Variants in CFAP251 observed in about 807,000 individuals in gnomAD.
CFAP251 encodes cilia- and flagella-associated protein 251.
In CFAP251, 93 loss-of-function variants were observed where a neutral mutation model predicts 126.7. The ratio of observed to expected loss-of-function variants is 0.73; its 90% CI spans 0.62 to 0.87. The LOEUF (loss-of-function observed/expected upper bound fraction) is 0.87. Ranked by LOEUF, CFAP251 falls within the 40% of genes least tolerant of loss-of-function variation. The pLI is 0.00. For missense variants in CFAP251, 1,287 were observed against 1,389.2 expected (o/e 0.93, Z 1.17); for synonymous variants, 503 against 506.9 (o/e 0.99, Z 0.10).
intron 15 of CFAP251, 49 bp from the exon 16 acceptor site, chr12:121,966,906 A>C (rs200442140): frequency 6.4e-7 from 1 of 1,560,550 alleles, no homozygotes; most frequent in Non-Finnish European, 8.8e-7. Context: ...CTTAAAACCT[A>C]TGTTGAGATT....
At chr12:121,938,522 G>T (rs1880979685) in intron 5 of CFAP251, among the ~76,000 whole-genome samples, 1 of 149,048 alleles carries the variant, frequency 6.7e-6, no homozygotes, top group Non-Finnish European at 1.5e-5. Flanking sequence ...TAGATACAGG[G>T]TTTCACCATG....
intron 19 of CFAP251, among the ~76,000 whole-genome samples, chr12:121,993,741 G>T (rs1373686771): frequency 9.5e-5 from 14 of 147,060 alleles, no homozygotes; most frequent in East Asian, 6.2e-4. Context: ...CAACCACCCC[G>T]TCTGAGAAGT....
intron 19 of CFAP251, among the ~76,000 whole-genome samples, chr12:121,979,228 C>T (rs887818149): frequency 2.6e-5 from 4 of 152,202 alleles, no homozygotes; most frequent in African/African-American, 9.6e-5. Context: ...GTAAGCTCCT[C>T]TAAAGGTCTT....
chr12:122,002,871 C>T (rs1377267901), intron 21 of CFAP251, among the ~76,000 whole-genome samples: 2 of 152,088 alleles, frequency 1.3e-5, no homozygotes, highest in African/African-American at 4.8e-5. Flanking sequence ...ACCCATTCCC[C>T]TTTTCCCTCT....
chr12:121,952,626 G>A (rs1441346268), intron 9 of CFAP251: 1 of 152,122 alleles, frequency 6.6e-6, no homozygotes, highest in Non-Finnish European at 1.5e-5. Flanking sequence ...TGGAACTTGA[G>A]TCGTCTCCTG....
At chr12:121,977,937 T>A (rs200896158) in intron 19 of CFAP251, among the ~76,000 whole-genome samples, 4 of 146,680 alleles carry the variant, frequency 2.7e-5, no homozygotes, top group East Asian at 4.1e-4. Flanking sequence ...CCAGCCTGGG[T>A]GACAGAGCGA....
rs1191287340 is a variant in CFAP251, at chr12:121,957,201, ACTC to A, written c.1669_1671del (p.Pro557del). ...TCTGTCCTTTTCAAAGACCCCAGCA[ACTC>A]CTCCTACTGAAAAATCAAACTATCC... is the stretch of plus-strand genomic sequence containing the variant. On this transcript the variant is annotated inframe_deletion, in exon 11 of 22. Transcript: ENST00000288912. The A allele has an allele frequency of 1.2e-6, 2 of 1,613,790 alleles. No individual in the cohort carries two copies. The highest frequency in any genetic ancestry group is 1.7e-6 in the Non-Finnish European group (2 of 1,179,958).
chr12:121,990,192 G>A (rs192333928), intron 19 of CFAP251, among the ~76,000 whole-genome samples: 93 of 152,320 alleles, frequency 6.1e-4, no homozygotes, highest in African/African-American at 2.1e-3. Context: ...CAGCATGCAG[G>A]GCCAAGCCAA....
rs1400019354 is a variant in CFAP251 at position 121,989,661 on chromosome 12, C to G, written c.3007-10055C>G. On this transcript the variant is annotated intron_variant, in intron 19 of 21. Transcript: ENST00000288912. The surrounding 1 kb of genome is among the most constrained non-coding windows in gnomAD (Gnocchi z 4.2). ...GAAGATGATGAGTGGGAACAAGACA[C>G]TGTGCCCCATTAGTTGAGAATGTTC... Among the ~76,000 whole-genome samples, 1 of 152,152 alleles carries G rather than the reference C, an allele frequency of 6.6e-6. No homozygotes were observed. Among genetic ancestry groups the G allele is most frequent in the Admixed American group, 6.5e-5 (1 of 15,268 alleles).
At chr12:121,921,117 G>A (rs1260303094) in intron 1 of CFAP251, among the ~76,000 whole-genome samples, 169 bp from the exon 2 acceptor site, 1 of 152,142 alleles carries the variant, frequency 6.6e-6, no homozygotes, top group Non-Finnish European at 1.5e-5. Flanking sequence ...CCATAGTGCT[G>A]GGATTACAGG....
chr12:121,931,918 G>T, intron 4 of CFAP251, 32 bp downstream of exon 4: 1 of 1,482,052 alleles, frequency 6.7e-7, no homozygotes, highest in Non-Finnish European at 9.0e-7. Flanking sequence ...ACAGGTGGGG[G>T]AGTTGTCTTT....
chr12:121,946,783 T>A (rs1000717547), intron 7 of CFAP251, among the ~76,000 whole-genome samples: 1 of 151,966 alleles, frequency 6.6e-6, no homozygotes, highest in Non-Finnish European at 1.5e-5. Context: ...CTCGCTGTGT[T>A]GCCCAGGCTG....
intron 3 of CFAP251, among the ~76,000 whole-genome samples, chr12:121,927,920 G>A (rs1166156917): frequency 6.6e-6 from 1 of 152,192 alleles, no homozygotes; most frequent in Non-Finnish European, 1.5e-5. Context: ...AGATTAATAT[G>A]TTTTAGAAAA....
intron 16 of CFAP251, among the ~76,000 whole-genome samples, chr12:121,967,466 G>A (rs1325348781): frequency 2.0e-5 from 3 of 152,198 alleles, no homozygotes; most frequent in African/African-American, 7.2e-5. Flanking sequence ...ACTTTGGGAG[G>A]CCAAGGCGGG....
In CFAP251 at chr12:122,003,836, G is replaced by A; in HGVS notation, c.*72G>A. ...ATGCACATGTGTGTGTTTTCCATGAGGCACTGCTTTTTATGCATTTCCCTC... is the reference window on the plus strand; with the variant it reads ...ATGCACATGTGTGTGTTTTCCATGAAGCACTGCTTTTTATGCATTTCCCTC... On this transcript the variant is annotated 3_prime_UTR_variant, in exon 22 of 22. Transcript: ENST00000288912. 1 of 1,181,914 alleles carries A rather than the reference G, an allele frequency of 8.5e-7. No homozygotes were observed. The allele number at this position is 1,181,914 out of a possible 1,614,324, so 73.2% of individuals were successfully genotyped here. A position where few individuals can be genotyped will look rare whatever the true frequency, so the allele number is the denominator to read the frequency against.
chr12:122,003,624 T>G, intron 21 of CFAP251, 28 bp from the exon 22 acceptor site: 8 of 1,537,956 alleles, frequency 5.2e-6, no homozygotes, highest in African/African-American at 1.4e-5. Flanking sequence ...CATGAAGGCA[T>G]TTGGTGTTCT....
intron 20 of CFAP251, 46 bp from the exon 21 acceptor site, chr12:122,001,451 T>C (rs1201260442): frequency 2.0e-6 from 3 of 1,470,358 alleles, no homozygotes; most frequent in Admixed American, 3.3e-5. Flanking sequence ...ACAGTATGCT[T>C]AGCCTCAAGA....
intron 7 of CFAP251, among the ~76,000 whole-genome samples, chr12:121,946,623 G>A (rs1307938118): frequency 6.6e-6 from 1 of 151,924 alleles, no homozygotes; most frequent in Non-Finnish European, 1.5e-5. Flanking sequence ...TTTGAGACAG[G>A]GTCTCACTCC....
intron 19 of CFAP251, among the ~76,000 whole-genome samples, chr12:121,980,732 C>G (rs1882600651): frequency 6.6e-6 from 1 of 152,206 alleles, no homozygotes; most frequent in Non-Finnish European, 1.5e-5. Flanking sequence ...CTGCATGGTT[C>G]TGTCTGTGGT....
Sources: allele counts gnomAD v4.1 joint callset (sites outside exome capture counted in the v4.1 genomes callset), GRCh38; gene constraint gnomAD v4.1.1; non-coding constraint Gnocchi (gnomAD v3.1); transcripts MANE v1.5; gene names NCBI Gene and HGNC (gene_info 2026-07-23, HGNC 2026-07-21).